Variants in GALNT13 observed in about 807,000 individuals in gnomAD.
GALNT13 encodes polypeptide N-acetylgalactosaminyltransferase 13, also known as UDP-GalNAc:polypeptide N-acetylgalactosaminyltransferase 13.
A neutral mutation model predicts 64.2 loss-of-function variants in GALNT13; 28 were observed. The observed-to-expected ratio is 0.44, with a 90% CI of 0.32 to 0.60. The LOEUF is 0.60. GALNT13 is among the 20% of genes least tolerant of loss of function. The pLI, the probability that GALNT13 is intolerant of heterozygous loss-of-function variation, is 0.05. For missense variants in GALNT13, 577 were observed against 669.8 expected, an observed-to-expected ratio of 0.86 and a Z score of 1.53; for synonymous variants, 214 against 224.6, an observed-to-expected ratio of 0.95 and a Z score of 0.42.
At chr2:154,364,642 G>GTTGTTTTGTTTTGTT (rs10618298) in intron 9 of GALNT13, among the ~76,000 whole-genome samples, 10 of 149,588 alleles carry the variant, frequency 6.7e-5, no homozygotes, top group Non-Finnish European at 1.0e-4. Flanking sequence ...CTTCACTTTT[G>GTTGTTTTGTTTTGTT]TTGTTTTGTT....
the GALNT13 span, among the ~76,000 whole-genome samples, chr2:153,727,442 T>C: frequency 9.9e-5 from 15 of 152,222 alleles, no homozygotes; most frequent in Non-Finnish European, 1.3e-4. Flanking sequence ...AGTGCTTTCA[T>C]GAACGTTCAA....
At chr2:154,389,139 G>C (rs370999205) in intron 9 of GALNT13, among the ~76,000 whole-genome samples, 4 of 151,728 alleles carry the variant, frequency 2.6e-5, no homozygotes, top group Admixed American at 6.6e-5. Context: ...TTTGTTTTTG[G>C]GGGGGTGGTT....
intron 7 of GALNT13, among the ~76,000 whole-genome samples, chr2:154,258,557 AT>A (rs34554806): frequency 3.8e-4 from 57 of 151,988 alleles, no homozygotes; most frequent in Middle Eastern, 6.8e-3. Flanking sequence ...ATAGAATTTA[AT>A]TTTTTTTATT....
the GALNT13 span, among the ~76,000 whole-genome samples, chr2:153,471,645 C>T: frequency 2.0e-5 from 3 of 152,192 alleles, no homozygotes; most frequent in East Asian, 5.8e-4. Context: ...ATTTAGGGTC[C>T]CAGCTCATTT....
the GALNT13 span, among the ~76,000 whole-genome samples, chr2:153,784,701 G>A: frequency 6.6e-6 from 1 of 152,148 alleles, no homozygotes; most frequent in Non-Finnish European, 1.5e-5. Flanking sequence ...ATACCCCTAG[G>A]GTTGAATCCA....
the GALNT13 span, among the ~76,000 whole-genome samples, chr2:153,452,945 A>C: frequency 6.6e-6 from 1 of 152,184 alleles, no homozygotes; most frequent in Non-Finnish European, 1.5e-5. Flanking sequence ...AATGGCACAG[A>C]ATAGAGAACC....
chr2:153,555,944 C>T, the GALNT13 span, among the ~76,000 whole-genome samples: 2 of 152,008 alleles, frequency 1.3e-5, no homozygotes, highest in African/African-American at 2.4e-5. Flanking sequence ...GCCTAAAGCT[C>T]GGGAAAAAAT....
chr2:153,474,309 A>C, the GALNT13 span, among the ~76,000 whole-genome samples: 1 of 152,252 alleles, frequency 6.6e-6, no homozygotes, highest in Non-Finnish European at 1.5e-5. Context: ...TCAGCTGCTT[A>C]GTGACCAGAA....
At chr2:153,316,639 C>CTAAAAAAAAAA in the GALNT13 span, among the ~76,000 whole-genome samples, 1 of 69,842 alleles carries the variant, frequency 1.4e-5, no homozygotes, top group Non-Finnish European at 2.6e-5. Context: ...GACTCCGTCT[C>CTAAAAAAAAAA]AAAAAAAAAA....
chr2:154,426,177 T>G (rs960442984), intron 11 of GALNT13, among the ~76,000 whole-genome samples: 11 of 152,164 alleles, frequency 7.2e-5, no homozygotes, highest in African/African-American at 2.7e-4. Context: ...TTCAGTTCCT[T>G]GCAGCTGTAA....
At position 154,002,215 on chromosome 2, in the gene GALNT13, A is replaced by G. The variant is rs560304787; in HGVS notation, c.142+57576A>G. Among the ~76,000 whole-genome samples the G allele has an allele frequency of 3.2e-3, 493 of 152,166 alleles. 3 individuals are homozygous for G. The highest frequency in any genetic ancestry group is 0.011 in the African/African-American group (465 of 41,558). The stretch of plus-strand genomic sequence containing the variant: ...TACCTGGATGTTGTTGTTATTCTCC[A>G]TATTTGGAAAGTTTTCAGCCATTAT... On this transcript the variant is annotated intron_variant, in intron 3 of 12. Coordinates refer to ENST00000392825, the MANE Select transcript of GALNT13 (RefSeq NM_052917.4).
At chr2:153,975,965 A>G (rs1694050846) in intron 3 of GALNT13, among the ~76,000 whole-genome samples, 2 of 152,152 alleles carry the variant, frequency 1.3e-5, no homozygotes, top group African/African-American at 2.4e-5. Context: ...TTTGTCATTT[A>G]TACTTCAATA....
chr2:153,619,638 T>G, the GALNT13 span, among the ~76,000 whole-genome samples: 1 of 152,152 alleles, frequency 6.6e-6, no homozygotes, highest in African/African-American at 2.4e-5. Context: ...CTGGTATTAA[T>G]GAAACCCTTC....
intron 8 of GALNT13, among the ~76,000 whole-genome samples, chr2:154,293,316 A>C (rs1245439489): frequency 6.6e-6 from 1 of 152,170 alleles, no homozygotes; most frequent in Non-Finnish European, 1.5e-5. Context: ...CTAATAGACT[A>C]TTATTTTAGA....
chr2:153,793,785 C>T, the GALNT13 span, among the ~76,000 whole-genome samples: 14 of 152,172 alleles, frequency 9.2e-5, no homozygotes, highest in South Asian at 2.9e-3. Flanking sequence ...ATAGCATTTT[C>T]TTATACTTTA....
intron 2 of GALNT13, among the ~76,000 whole-genome samples, chr2:153,906,866 T>A (rs1688601940): frequency 1.3e-5 from 2 of 151,544 alleles, no homozygotes; most frequent in African/African-American, 4.8e-5. Flanking sequence ...CCACCAACAG[T>A]GTAAAAGTGT....
chr2:153,714,334 A>G, the GALNT13 span, among the ~76,000 whole-genome samples: 1 of 152,236 alleles, frequency 6.6e-6, no homozygotes, highest in African/African-American at 2.4e-5. Flanking sequence ...AAAGTCAGTT[A>G]TTAAATATAT....
the GALNT13 span, among the ~76,000 whole-genome samples, chr2:153,257,651 C>T: frequency 2.0e-5 from 3 of 152,116 alleles, no homozygotes; most frequent in African/African-American, 7.2e-5. Flanking sequence ...GAGCTATTGG[C>T]AGCTTTTAAC....
At chr2:153,499,333 T>G in the GALNT13 span, among the ~76,000 whole-genome samples, 3 of 152,282 alleles carry the variant, frequency 2.0e-5, no homozygotes, top group South Asian at 4.1e-4. Flanking sequence ...TCTGGGATTT[T>G]TATGGGCTTA....
Sources: allele counts gnomAD v4.1 joint callset (sites outside exome capture counted in the v4.1 genomes callset), GRCh38; gene constraint gnomAD v4.1.1; transcripts MANE v1.5; gene names NCBI Gene and HGNC (gene_info 2026-07-23, HGNC 2026-07-21).